Variants in CDH13 observed in about 807,000 individuals in gnomAD.
CDH13 encodes the protein cadherin 13, also known as cadherin-13.
In CDH13, 24 loss-of-function variants were observed where a neutral mutation model predicts 63.8. The observed-to-expected ratio is 0.38, with a 90% CI of 0.27 to 0.53. CDH13 has a LOEUF of 0.53. CDH13 is among the 20% of genes least tolerant of loss of function. The pLI is 0.85. For synonymous variants in CDH13, 503 were observed against 355.3 expected (o/e 1.42, Z -4.67); for missense variants, 1,049 against 903.1 (o/e 1.16, Z -2.07).
intron 10 of CDH13, among the ~76,000 whole-genome samples, chr16:83,698,070 T>G (rs927560421): frequency 6.6e-6 from 1 of 152,262 alleles, no homozygotes; most frequent in African/African-American, 2.4e-5. Context: ...ACGGACCATG[T>G]TGGTCTTCAA....
At chr16:83,274,892 A>T (rs1044669316) in intron 5 of CDH13, among the ~76,000 whole-genome samples, 8 of 152,250 alleles carry the variant, frequency 5.3e-5, no homozygotes, top group Middle Eastern at 3.4e-3. Flanking sequence ...TAGCACACAA[A>T]ATCCAGTCTT....
At chr16:83,009,417 A>T (rs1240478218) in intron 2 of CDH13, among the ~76,000 whole-genome samples, 1 of 152,140 alleles carries the variant, frequency 6.6e-6, no homozygotes, top group Non-Finnish European at 1.5e-5. Flanking sequence ...TACACTTGCA[A>T]CTATTGTAGG....
intron 1 of CDH13, among the ~76,000 whole-genome samples, chr16:82,761,858 A>G (rs778515340): frequency 6.6e-5 from 10 of 152,224 alleles, no homozygotes; most frequent in Non-Finnish European, 1.3e-4. Context: ...ACACACAGAC[A>G]CATACACACA....
At chr16:83,490,377 T>C (rs2073986913) in intron 7 of CDH13, among the ~76,000 whole-genome samples, 1 of 152,176 alleles carries the variant, frequency 6.6e-6, no homozygotes. Context: ...ACAAGGCTTG[T>C]AACTGAGGAT....
At chr16:83,520,883 TTTA>T (rs1656153765) in intron 7 of CDH13, among the ~76,000 whole-genome samples, 1 of 152,174 alleles carries the variant, frequency 6.6e-6, no homozygotes, top group East Asian at 1.9e-4. Context: ...TCATCCAAGT[TTTA>T]TTTAAAAATC....
chr16:83,497,799 A>G (rs1453205168), intron 7 of CDH13, among the ~76,000 whole-genome samples: 2 of 152,230 alleles, frequency 1.3e-5, no homozygotes, highest in African/African-American at 2.4e-5. Context: ...ATGCTCAGAT[A>G]GGAGCAGTTT....
At chr16:83,110,702 T>C (rs536278736) in intron 3 of CDH13, among the ~76,000 whole-genome samples, 1 of 152,214 alleles carries the variant, frequency 6.6e-6, no homozygotes, top group African/African-American at 2.4e-5. Flanking sequence ...CATTTCCAAC[T>C]CAGACATCTC....
chr16:82,848,879 C>G (rs2039371498), intron 1 of CDH13, among the ~76,000 whole-genome samples: 1 of 152,178 alleles, frequency 6.6e-6, no homozygotes, highest in Non-Finnish European at 1.5e-5. Context: ...CTGAGGTAGG[C>G]TGAAAGCTAG....
At chr16:83,234,576 C>T (rs902893127) in intron 5 of CDH13, among the ~76,000 whole-genome samples, 9 of 152,126 alleles carry the variant, frequency 5.9e-5, no homozygotes, top group East Asian at 5.8e-4. Flanking sequence ...GACTGAGCAC[C>T]GCTGGGGTTC....
intron 10 of CDH13, among the ~76,000 whole-genome samples, chr16:83,713,223 G>A (rs145144582): frequency 6.6e-6 from 1 of 152,144 alleles, no homozygotes; most frequent in Admixed American, 6.5e-5. Context: ...CCGTCTAACG[G>A]GCTGGGGTCC....
At chr16:82,702,821 G>C (rs13339293) in intron 1 of CDH13, among the ~76,000 whole-genome samples, 47,463 of 151,904 alleles carry the variant, frequency 0.31, 7,755 homozygotes, top group Non-Finnish European at 0.35. Context: ...CAGCTCCCTG[G>C]TGCCTCATCA....
chr16:82,946,007 C>G (rs1317369020), intron 2 of CDH13, among the ~76,000 whole-genome samples: 1 of 151,966 alleles, frequency 6.6e-6, no homozygotes, highest in Admixed American at 6.6e-5. Flanking sequence ...TTTTGTAATT[C>G]TGAATTTTAT....
At chr16:83,042,470 A>G (rs1374339776) in intron 3 of CDH13, among the ~76,000 whole-genome samples, 4 of 152,210 alleles carry the variant, frequency 2.6e-5, no homozygotes, top group Non-Finnish European at 5.9e-5. Context: ...TAGTCGCAGG[A>G]AAACAAGCTG....
At chr16:83,600,356 G>C (rs1907669188) in intron 7 of CDH13, among the ~76,000 whole-genome samples, 1 of 152,178 alleles carries the variant, frequency 6.6e-6, no homozygotes, top group Non-Finnish European at 1.5e-5. Context: ...GTGAATTGAA[G>C]TGGAGGGCCT....
chr16:83,651,596 T>TC, intron 8 of CDH13, among the ~76,000 whole-genome samples: 1 of 139,180 alleles, frequency 7.2e-6, no homozygotes, highest in East Asian at 2.0e-4. Flanking sequence ...CTCTTTTTTT[T>TC]TTTTTTTTTT....
chr16:82,905,460 T>TGTAG (rs59528860), intron 2 of CDH13, among the ~76,000 whole-genome samples: 2 of 104,156 alleles, frequency 1.9e-5, no homozygotes, highest in Non-Finnish European at 3.7e-5. Context: ...TGTGTGTGTG[T>TGTAG]GTGTGTGTAA....
chr16:83,045,242 G>T (rs1917669123), intron 3 of CDH13, among the ~76,000 whole-genome samples: 1 of 152,132 alleles, frequency 6.6e-6, no homozygotes, highest in Non-Finnish European at 1.5e-5. Context: ...GTGTCATCAT[G>T]ACCCATTAAT....
chr16:82,883,844 T>G (rs2040787995), intron 2 of CDH13, among the ~76,000 whole-genome samples: 1 of 152,204 alleles, frequency 6.6e-6, no homozygotes, highest in Non-Finnish European at 1.5e-5. Context: ...CTTTAGGGCT[T>G]AATGAACATA....
chr16:83,626,823 CT>C (rs1332261926), intron 8 of CDH13, among the ~76,000 whole-genome samples: 1 of 152,170 alleles, frequency 6.6e-6, no homozygotes, highest in Non-Finnish European at 1.5e-5. Context: ...CCCACACAGA[CT>C]CCCTGTACCC....
Sources: allele counts gnomAD v4.1 joint callset (sites outside exome capture counted in the v4.1 genomes callset), GRCh38; gene constraint gnomAD v4.1.1; transcripts MANE v1.5; gene names NCBI Gene and HGNC (gene_info 2026-07-23, HGNC 2026-07-21).